Variants in CLPB observed in about 807,000 individuals in gnomAD.
The protein encoded by CLPB is mitochondrial disaggregase.
In CLPB, 40 loss-of-function variants were observed where a neutral mutation model predicts 78.4. The ratio of observed to expected loss-of-function variants is 0.51; its 90% CI spans 0.40 to 0.66. CLPB has a LOEUF of 0.66. CLPB is among the 30% of genes least tolerant of loss of function. CLPB has a pLI of 0.00. For missense variants in CLPB, 780 were observed against 886.9 expected, an observed-to-expected ratio of 0.88 and a Z score of 1.53; for synonymous variants, 333 against 348.0, an observed-to-expected ratio of 0.96 and a Z score of 0.48.
intron 5 of CLPB, among the ~76,000 whole-genome samples, chr11:72,358,663 T>C (rs1382494461): frequency 1.3e-5 from 2 of 152,100 alleles, no homozygotes; most frequent in African/African-American, 4.8e-5. Context: ...GCAAACCACA[T>C]GTGTGCACTG....
rs1215908852 is a variant in CLPB, at chr11:72,427,882, C to A, written c.455+2430G>T. Reference sequence around the variant, plus strand: ...TCCTGCTATAGGCAGGTCTGTTGGGCAGAGCTAAGAGCCCAGGACATTGAA... The same window carrying A: ...TCCTGCTATAGGCAGGTCTGTTGGGAAGAGCTAAGAGCCCAGGACATTGAA... On this transcript the variant is annotated intron_variant, in intron 2 of 15. Transcript: ENST00000538039. Among the ~76,000 whole-genome samples the A allele has an allele frequency of 2.6e-5, 4 of 152,228 alleles. No homozygotes were observed. The East Asian group carries it at 5.8e-4, about 22-fold the overall frequency.
intron 3 of CLPB, among the ~76,000 whole-genome samples, chr11:72,398,623 C>T (rs60132455): frequency 0.014 from 2,128 of 152,328 alleles, 43 homozygotes; most frequent in East Asian, 0.091. Flanking sequence ...GTGAAGGCTA[C>T]GCTAAGTCAC....
chr11:72,314,864 G>A (rs1480880384), intron 7 of CLPB, among the ~76,000 whole-genome samples: 1 of 152,154 alleles, frequency 6.6e-6, no homozygotes, highest in Non-Finnish European at 1.5e-5. Context: ...GGTGCATGCA[G>A]CACAAAGCAG....
rs1949510947 is a variant in CLPB, at chr11:72,294,367, GA to G, written c.1637del (p.Leu546ProfsTer9). The G allele has an allele frequency of 6.2e-7, 1 of 1,614,122 alleles. No homozygotes were observed. The highest frequency in any genetic ancestry group is 1.1e-5 in the South Asian group (1 of 91,084). ...VYFLPFCHSELIQLVNKELNF... is the reference protein window; with the variant it reads ...VYFLPFCHSEXIQLVNKELNF... ...TTAGTTCCTTGTTGACGAGTTGGAT[GA>G]GCTCCGAGTGGCAGAAGGGGAGGAA... On this transcript the variant is annotated frameshift_variant, in exon 14 of 16. Transcript: ENST00000538039. LOFTEE classifies it high-confidence loss of function.
chr11:72,430,720 TC>T (rs758976618), intron 1 of CLPB, among the ~76,000 whole-genome samples: 2 of 152,192 alleles, frequency 1.3e-5, no homozygotes, highest in African/African-American at 2.4e-5. Flanking sequence ...TACTAAAGAT[TC>T]CCTGATCTTG....
intron 2 of CLPB, among the ~76,000 whole-genome samples, chr11:72,415,821 T>C (rs921143677): frequency 6.6e-6 from 1 of 152,178 alleles, no homozygotes; most frequent in Admixed American, 6.5e-5. Flanking sequence ...ATAAAATCTT[T>C]AACAAAGGGG....
Position 72,294,129 on chromosome 11 carries a change from G to A in CLPB, c.1681-3C>T, listed in dbSNP as rs374279497. The A allele has an allele frequency of 1.9e-6, 3 of 1,613,710 alleles. No homozygotes were observed. The highest frequency in any genetic ancestry group is 1.1e-5 in the South Asian group (1 of 91,038). ...GTGATGTTGTGCCTTTGCTTGGCCTGAGATGGGTCAGATAGAAGCATGCCT... is the reference window on the plus strand; with the variant it reads ...GTGATGTTGTGCCTTTGCTTGGCCTAAGATGGGTCAGATAGAAGCATGCCT... On this transcript the variant is annotated splice_polypyrimidine_tract_variant and splice_region_variant and intron_variant, in intron 14 of 15. Coordinates refer to ENST00000538039, the MANE Select transcript of CLPB (RefSeq NM_001258392.3).
chr11:72,355,602 C>T (rs1950697993), intron 5 of CLPB, among the ~76,000 whole-genome samples: 1 of 152,100 alleles, frequency 6.6e-6, no homozygotes, highest in African/African-American at 2.4e-5. Context: ...GGAAACATGC[C>T]CAAGGCAACA....
rs564396608 is a variant in CLPB at position 72,350,279 on chromosome 11, T to A, written c.775+8601A>T. 5.3e-5 allele frequency among the ~76,000 whole-genome samples: 8 copies of A among 152,216 alleles called. No homozygotes were observed. In the East Asian group the frequency reaches 1.5e-3, roughly 29 times the overall value. Reference sequence around the variant, plus strand: ...ACTCCCCAAAATTGGACTAGACTGCTGGATCCCTTTGGATGACTAATGGAC... The same window carrying A: ...ACTCCCCAAAATTGGACTAGACTGCAGGATCCCTTTGGATGACTAATGGAC... On this transcript the variant is annotated intron_variant, in intron 5 of 15. Coordinates refer to ENST00000538039, the MANE Select transcript of CLPB (RefSeq NM_001258392.3).
At chr11:72,306,075 C>T (rs1426283588) in intron 9 of CLPB, among the ~76,000 whole-genome samples, 1 of 152,178 alleles carries the variant, frequency 6.6e-6, no homozygotes, top group Non-Finnish European at 1.5e-5. Flanking sequence ...CTATCTCGGT[C>T]GGAGCGCATT....
At chr11:72,314,076 T>C (rs1218578607) in intron 7 of CLPB, among the ~76,000 whole-genome samples, 2 of 152,142 alleles carry the variant, frequency 1.3e-5, no homozygotes, top group African/African-American at 4.8e-5. Context: ...GAAGATTATG[T>C]TTTTGGGCTG....
At position 72,287,122 on chromosome 11, in the gene CLPB, G is replaced by A. The variant is rs752824346; in HGVS notation, c.*6245C>T. On this transcript the variant is annotated 3_prime_UTR_variant, in exon 16 of 16. Transcript: ENST00000538039. The stretch of plus-strand genomic sequence containing the variant: ...TGGGATTTTTGCATCTATGGCCATA[G>A]GTGAGATTAGGCTATAGCATTCTTT... 1.3e-5 allele frequency: 2 copies of A among 152,052 alleles called. No individual in the cohort carries two copies. The highest frequency in any genetic ancestry group is 4.8e-5 in the African/African-American group (2 of 41,372). The allele number at this position is 152,052 out of a possible 1,614,324, so 9.4% of individuals were successfully genotyped here.
chr11:72,418,428 G>C (rs978908017), intron 2 of CLPB, among the ~76,000 whole-genome samples: 1 of 152,232 alleles, frequency 6.6e-6, no homozygotes, highest in Non-Finnish European at 1.5e-5. Context: ...CTACTTTGCA[G>C]ATGAAGAATC....
rs1949397241 is a variant in CLPB, at chr11:72,286,853, A to G, written c.*6514T>C. 6.6e-6 allele frequency: 1 copy of G among 151,562 alleles called. No individual in the cohort carries two copies. The highest frequency in any genetic ancestry group is 2.1e-4 in the South Asian group (1 of 4,792). 9.4% of individuals were successfully genotyped at this position (151,562 alleles called of 1,614,324 possible). A position where few individuals can be genotyped will look rare whatever the true frequency, so the allele number is the denominator to read the frequency against. On this transcript the variant is annotated 3_prime_UTR_variant, in exon 16 of 16. Transcript: ENST00000538039. ...TGTGTAGTTATCTGAAATACTGGCA[A>G]ACCAAATTAGAGGTTTACCTTTAAC...
chr11:72,422,864 A>G (rs1212010695), intron 2 of CLPB, among the ~76,000 whole-genome samples: 1 of 152,214 alleles, frequency 6.6e-6, no homozygotes, highest in African/African-American at 2.4e-5. Context: ...TGCTGTAACT[A>G]AGTACATTCT....
Position 72,324,235 on chromosome 11 carries a change from G to A in CLPB, c.873+5472C>T, listed in dbSNP as rs528825619. Among the ~76,000 whole-genome samples the A allele has an allele frequency of 1.2e-4, 18 of 152,130 alleles. 1 individual carries two copies. The highest frequency in any genetic ancestry group is 4.3e-4 in the African/African-American group (18 of 41,500). ...AGTGATCCATACATTCCTGATATGT[G>A]TATCTTATACAAGTATATTTCAATA... On this transcript the variant is annotated intron_variant, in intron 6 of 15. Coordinates refer to ENST00000538039, the MANE Select transcript of CLPB (RefSeq NM_001258392.3).
chr11:72,326,893 T>C (rs539623888), intron 6 of CLPB, among the ~76,000 whole-genome samples: 3 of 152,330 alleles, frequency 2.0e-5, no homozygotes, highest in South Asian at 4.1e-4. Flanking sequence ...ACCAAGTAGA[T>C]GCTGAACAAC....
intron 11 of CLPB, among the ~76,000 whole-genome samples, chr11:72,296,793 G>C (rs1325887578): frequency 6.6e-6 from 1 of 152,180 alleles, no homozygotes; most frequent in Non-Finnish European, 1.5e-5. Flanking sequence ...GTAGGTGTTT[G>C]ACACCTGCTT....
intron 2 of CLPB, among the ~76,000 whole-genome samples, chr11:72,427,555 T>C (rs1335118626): frequency 1.3e-5 from 2 of 152,204 alleles, no homozygotes; most frequent in African/African-American, 4.8e-5. Flanking sequence ...CTCAACATCA[T>C]AGTGCAACAA....
Sources: gnomAD v4.1 joint callset for allele counts (sites outside exome capture counted in the v4.1 genomes callset) on GRCh38, gnomAD v4.1.1 for gene constraint, MANE v1.5 for transcripts, NCBI Gene and HGNC (gene_info 2026-07-23, HGNC 2026-07-21) for gene names.